Variants in CTNNA3 observed in about 807,000 individuals in gnomAD.
CTNNA3 encodes catenin alpha-3.
CTNNA3 carries 76 observed loss-of-function variants against 95.7 expected under a neutral mutation model. The ratio of observed to expected loss-of-function variants is 0.79; its 90% CI spans 0.66 to 0.96. The LOEUF (loss-of-function observed/expected upper bound fraction) is 0.96, where lower values mean the gene tolerates loss of function less well. Among genes scored for constraint, CTNNA3 ranks in the 40% least tolerant of loss-of-function variants. CTNNA3 has a pLI of 0.00. For missense variants in CTNNA3, 1,191 were observed against 1,089.8 expected (o/e 1.09, Z -1.31); for synonymous variants, 431 against 374.4 (o/e 1.15, Z -1.74).
At chr10:66,138,540 C>T (rs1483044773) in intron 13 of CTNNA3, among the ~76,000 whole-genome samples, 3 of 152,086 alleles carry the variant, frequency 2.0e-5, no homozygotes, top group Non-Finnish European at 2.9e-5. Context: ...ATTTAAAAGA[C>T]GAATTGGGCT....
intron 1 of CTNNA3, among the ~76,000 whole-genome samples, chr10:67,742,047 C>T (rs565865438): frequency 6.6e-6 from 1 of 151,136 alleles, no homozygotes; most frequent in African/African-American, 2.4e-5. Flanking sequence ...GATTGCCACA[C>T]AATAATAATG....
chr10:66,787,502 G>A (rs1840795865), intron 7 of CTNNA3, among the ~76,000 whole-genome samples: 3 of 152,008 alleles, frequency 2.0e-5, no homozygotes, highest in Admixed American at 2.0e-4. Context: ...TTCTGCCTCT[G>A]TCTCTCCTTC....
At chr10:67,558,917 T>C (rs1841364695) in intron 3 of CTNNA3, among the ~76,000 whole-genome samples, 1 of 152,028 alleles carries the variant, frequency 6.6e-6, no homozygotes, top group Non-Finnish European at 1.5e-5. Context: ...AACTGCAAGG[T>C]GGCAGCGAGG....
chr10:66,346,246 T>TATATATAG (rs1416945569), intron 12 of CTNNA3, among the ~76,000 whole-genome samples: 15 of 27,782 alleles, frequency 5.4e-4, no homozygotes, highest in African/African-American at 1.5e-3. Context: ...TATATATATA[T>TATATATAG]AGAGAGAGAG....
intron 1 of CTNNA3, among the ~76,000 whole-genome samples, chr10:67,671,387 T>C (rs896106120): frequency 1.3e-5 from 2 of 152,136 alleles, no homozygotes; most frequent in Non-Finnish European, 2.9e-5. Context: ...ACTTTAAGTT[T>C]TAGGGTACAT....
intron 13 of CTNNA3, among the ~76,000 whole-genome samples, chr10:66,213,620 T>C (rs2088317181): frequency 6.6e-6 from 1 of 152,192 alleles, no homozygotes; most frequent in Non-Finnish European, 1.5e-5. Flanking sequence ...ATCAGTAACA[T>C]TGACCTACCT....
At chr10:67,664,280 A>T (rs1840274363) in intron 1 of CTNNA3, among the ~76,000 whole-genome samples, 1 of 152,226 alleles carries the variant, frequency 6.6e-6, no homozygotes, top group South Asian at 2.1e-4. Context: ...TCTCTTCTGA[A>T]CTAACCAAAT....
intron 9 of CTNNA3, among the ~76,000 whole-genome samples, chr10:66,711,607 G>C (rs1173490444): frequency 6.6e-6 from 1 of 151,976 alleles, no homozygotes; most frequent in East Asian, 1.9e-4. Flanking sequence ...GGAGTGCAAT[G>C]GCGTGATCTT....
At chr10:67,562,714 T>C (rs1841569103) in intron 3 of CTNNA3, among the ~76,000 whole-genome samples, 1 of 152,194 alleles carries the variant, frequency 6.6e-6, no homozygotes, top group Admixed American at 6.5e-5. Context: ...TATTTGCAGA[T>C]AACGTGATAG....
At chr10:67,672,403 C>T (rs903116291) in intron 1 of CTNNA3, among the ~76,000 whole-genome samples, 1 of 152,098 alleles carries the variant, frequency 6.6e-6, no homozygotes, top group Non-Finnish European at 1.5e-5. Flanking sequence ...GTTGCCATTG[C>T]TTTTGGTGTT....
chr10:67,614,066 G>A (rs540611286), intron 2 of CTNNA3, among the ~76,000 whole-genome samples: 257 of 152,296 alleles, frequency 1.7e-3, no homozygotes, highest in African/African-American at 5.7e-3. Context: ...ACCCTACCAG[G>A]TTGCCACTGC....
intron 7 of CTNNA3, among the ~76,000 whole-genome samples, chr10:66,969,280 A>T (rs1385157907): frequency 1.3e-5 from 2 of 152,138 alleles, no homozygotes; most frequent in African/African-American, 2.4e-5. Flanking sequence ...TATCAATTTT[A>T]TGTCTTATTT....
At chr10:66,365,612 G>T (rs756277932) in intron 12 of CTNNA3, among the ~76,000 whole-genome samples, 1 of 152,148 alleles carries the variant, frequency 6.6e-6, no homozygotes, top group Non-Finnish European at 1.5e-5. Flanking sequence ...TTTAGAAGTT[G>T]TAGTAGGCAG....
rs112256315 is a variant in CTNNA3, at chr10:66,534,887, GA to G, written c.1375-14115del. On this transcript the variant is annotated intron_variant, in intron 10 of 17. Transcript: ENST00000433211. ...GAACATATTTTCCATTCTGGAAATG[GA>G]AAAAAAAGCATGTTTTCTCATTAAA... is the stretch of plus-strand genomic sequence containing the variant. 2.0e-5 allele frequency among the ~76,000 whole-genome samples: 3 copies of G among 151,232 alleles called. No individual in the cohort carries two copies. In the East Asian group the frequency reaches 5.8e-4, roughly 29 times the overall value.
chr10:66,242,193 T>C (rs1052663857), intron 13 of CTNNA3, among the ~76,000 whole-genome samples: 1 of 152,228 alleles, frequency 6.6e-6, no homozygotes, highest in African/African-American at 2.4e-5. Flanking sequence ...GGACTTAGCC[T>C]CCATAACTGT....
chr10:66,742,665 C>T (rs4310509), intron 9 of CTNNA3, among the ~76,000 whole-genome samples: 75,549 of 151,914 alleles, frequency 0.5, 18,972 homozygotes, highest in African/African-American at 0.56. Context: ...TTTCTCAGAC[C>T]GGCTGACACT....
intron 10 of CTNNA3, among the ~76,000 whole-genome samples, chr10:66,544,543 T>C (rs1841978251): frequency 1.3e-5 from 2 of 151,742 alleles, no homozygotes; most frequent in South Asian, 2.1e-4. Flanking sequence ...ATAAGAAATT[T>C]CTGTGTTTTT....
At chr10:66,145,020 T>TC (rs35165915) in intron 13 of CTNNA3, among the ~76,000 whole-genome samples, 113,868 of 152,052 alleles carry the variant, frequency 0.75, 42,954 homozygotes, top group South Asian at 0.85. Context: ...AAAAGTAGCT[T>TC]CTATATTATG....
chr10:66,217,113 TG>T (rs1322830219), intron 13 of CTNNA3, among the ~76,000 whole-genome samples: 1 of 152,174 alleles, frequency 6.6e-6, no homozygotes, highest in Non-Finnish European at 1.5e-5. Flanking sequence ...CCCAGCACTT[TG>T]GGAGGCCAAG....
Sources: gnomAD v4.1 joint callset for allele counts (sites outside exome capture counted in the v4.1 genomes callset) on GRCh38, gnomAD v4.1.1 for gene constraint, MANE v1.5 for transcripts, NCBI Gene and HGNC (gene_info 2026-07-23, HGNC 2026-07-21) for gene names.